The following FOXJ3 variants were observed in gnomAD, a reference collection of about 807,000 sequenced individuals.
FOXJ3 encodes the protein forkhead box protein J3.
Under a neutral mutation model 76.1 loss-of-function variants are expected in FOXJ3, and 22 were observed. The observed-to-expected ratio is 0.29, with a 90% CI of 0.21 to 0.41. The LOEUF is 0.41. Ranked by LOEUF, FOXJ3 falls within the 10% of genes least tolerant of loss-of-function variation. FOXJ3 has a pLI of 1.00. For missense variants in FOXJ3, 613 were observed against 762.1 expected, an observed-to-expected ratio of 0.80 and a Z score of 2.30; for synonymous variants, 269 against 261.2, an observed-to-expected ratio of 1.03 and a Z score of -0.29.
chr1:42,182,078 A>C, intron 11 of FOXJ3, 54 bp from the exon 12 acceptor site: 2 of 949,276 alleles, frequency 2.1e-6, no homozygotes, highest in Non-Finnish European at 3.3e-6. Context: ...AATAAAACAA[A>C]TGGAGCACTA....
At chr1:42,201,528 A>G (rs991195646) in intron 6 of FOXJ3, among the ~76,000 whole-genome samples, 2 of 152,366 alleles carry the variant, frequency 1.3e-5, no homozygotes, top group South Asian at 4.1e-4. Flanking sequence ...CAGAAGAACA[A>G]CAGCAGATTT....
chr1:42,215,269 T>C (rs1405882030), intron 5 of FOXJ3, among the ~76,000 whole-genome samples: 1 of 151,970 alleles, frequency 6.6e-6, no homozygotes, highest in Non-Finnish European at 1.5e-5. Context: ...AATGGAAATA[T>C]AATAAAGGAA....
At chr1:42,237,441 T>C (rs949781625) in intron 4 of FOXJ3, among the ~76,000 whole-genome samples, 2 of 146,770 alleles carry the variant, frequency 1.4e-5, no homozygotes, top group African/African-American at 2.5e-5. Context: ...TACATACATA[T>C]ATATATATAC....
At chr1:42,266,994 T>C (rs1010488795) in intron 3 of FOXJ3, among the ~76,000 whole-genome samples, 13 of 151,952 alleles carry the variant, frequency 8.6e-5, no homozygotes, top group Admixed American at 5.2e-4. Flanking sequence ...GGGAGAGGTA[T>C]AGGAAACTAC....
At chr1:42,206,870 G>A (rs1260418304) in intron 5 of FOXJ3, among the ~76,000 whole-genome samples, 1 of 151,898 alleles carries the variant, frequency 6.6e-6, no homozygotes, top group Non-Finnish European at 1.5e-5. Flanking sequence ...TCGCTCTGTT[G>A]CCCAGGCTGT....
At chr1:42,217,819 C>A (rs1041608304) in intron 5 of FOXJ3, among the ~76,000 whole-genome samples, 2 of 152,076 alleles carry the variant, frequency 1.3e-5, no homozygotes, top group Non-Finnish European at 2.9e-5. Context: ...GTATAGATCC[C>A]AAAACTCCTC....
chr1:42,197,959 C>T (rs1404298253), intron 7 of FOXJ3, among the ~76,000 whole-genome samples: 1 of 148,744 alleles, frequency 6.7e-6, no homozygotes, highest in Non-Finnish European at 1.5e-5. Flanking sequence ...ATTGCTGTAC[C>T]TTTTTTTTTT....
At chr1:42,200,269 T>G (rs1315520934) in intron 6 of FOXJ3, among the ~76,000 whole-genome samples, 1 of 152,164 alleles carries the variant, frequency 6.6e-6, no homozygotes, top group East Asian at 1.9e-4. Context: ...ACTGATTGGT[T>G]TTCCTATTTT....
intron 3 of FOXJ3, 46 bp from the exon 4 acceptor site, chr1:42,265,235 AC>A: frequency 1.0e-6 from 1 of 991,546 alleles, no homozygotes; most frequent in South Asian, 1.5e-5. Flanking sequence ...AATCCAAAAA[AC>A]ATAACCCAAA....
intron 3 of FOXJ3, among the ~76,000 whole-genome samples, chr1:42,272,937 C>A (rs1651968366): frequency 1.3e-5 from 2 of 152,160 alleles, no homozygotes; most frequent in Non-Finnish European, 2.9e-5. Flanking sequence ...AAAAACACCT[C>A]CACAAATCTT....
chr1:42,184,789 A>G (rs12137842), intron 11 of FOXJ3, among the ~76,000 whole-genome samples: 9,359 of 152,038 alleles, frequency 0.062, 393 homozygotes, highest in Non-Finnish European at 0.094. Context: ...TTTTTTGAGG[A>G]AAAACAACGG....
At chr1:42,250,068 C>G (rs994266222) in intron 4 of FOXJ3, among the ~76,000 whole-genome samples, 1 of 151,992 alleles carries the variant, frequency 6.6e-6, no homozygotes, top group African/African-American at 2.4e-5. Flanking sequence ...AAAATAGGAC[C>G]ACGGAAGTAG....
At chr1:42,184,497 G>A (rs2124137513) in intron 11 of FOXJ3, among the ~76,000 whole-genome samples, 1 of 152,028 alleles carries the variant, frequency 6.6e-6, no homozygotes, top group East Asian at 1.9e-4. Flanking sequence ...TCAATATAGA[G>A]TCTGAATGAG....
intron 11 of FOXJ3, among the ~76,000 whole-genome samples, chr1:42,182,310 T>A (rs1055494959): frequency 1.3e-5 from 2 of 152,184 alleles, no homozygotes; most frequent in African/African-American, 4.8e-5. Context: ...CATACCTCAT[T>A]ACAATTCAAA....
At chr1:42,204,055 A>AC (rs1289601924) in intron 6 of FOXJ3, among the ~76,000 whole-genome samples, 1 of 151,436 alleles carries the variant, frequency 6.6e-6, no homozygotes, top group Non-Finnish European at 1.5e-5. Context: ...CGGCTCTGCA[A>AC]CCCCTGGCTC....
At position 42,268,007 on chromosome 1, in the gene FOXJ3, T is replaced by C. The variant is rs547770083; in HGVS notation, c.370-2818A>G. On this transcript the variant is annotated intron_variant, in intron 3 of 12. Coordinates refer to ENST00000361346, the MANE Select transcript of FOXJ3 (RefSeq NM_014947.5). The stretch of plus-strand genomic sequence containing the variant: ...TGTGTGATGATAAATGCAATTAAAG[T>C]CCCAGAAGGAGAAAAAAAAGGAATG... Among the ~76,000 whole-genome samples, 6 of 150,856 alleles carry C rather than the reference T, an allele frequency of 4.0e-5. No individual in the cohort carries two copies. In the South Asian group the frequency reaches 1.3e-3, roughly 32 times the overall value.
chr1:42,211,805 CATAT>C (rs1286785759), intron 5 of FOXJ3, among the ~76,000 whole-genome samples: 3 of 152,160 alleles, frequency 2.0e-5, no homozygotes, highest in Middle Eastern at 3.2e-3. Context: ...CCAAGAAACT[CATAT>C]AGAGTTTTCA....
rs1274990066 is a variant in FOXJ3 at position 42,323,606 on chromosome 1, C to CA, written c.-18+11452dup. 3 of 598,746 alleles carry CA rather than the reference C, an allele frequency of 5.0e-6. No homozygotes were observed. In the Admixed American group the frequency reaches 1.9e-4, roughly 38 times the overall value. The allele number at this position is 598,746 out of a possible 1,614,324, so 37.1% of individuals were successfully genotyped here. ...TTTTGTCATCATCATAAGCAAAAAA[C>CA]ACTCCCTCTTCTCAGTAAACCCATA... On this transcript the variant is annotated intron_variant, in intron 1 of 12. Transcript: ENST00000361346.
chr1:42,248,940 C>A (rs1649788110), intron 4 of FOXJ3, among the ~76,000 whole-genome samples: 1 of 151,850 alleles, frequency 6.6e-6, no homozygotes, highest in East Asian at 1.9e-4. Context: ...TGTGTGTTGT[C>A]CCCCTCCCTG....
Sources: allele counts gnomAD v4.1 joint callset (sites outside exome capture counted in the v4.1 genomes callset), GRCh38; gene constraint gnomAD v4.1.1; transcripts MANE v1.5; gene names NCBI Gene and HGNC (gene_info 2026-07-23, HGNC 2026-07-21).